The following PTPRD variants were observed in gnomAD, a reference collection of about 807,000 sequenced individuals.
PTPRD encodes protein tyrosine phosphatase receptor type D.
PTPRD carries 34 observed loss-of-function variants against 214.5 expected under a neutral mutation model. That is an observed-to-expected ratio of 0.16 (90% CI 0.12 to 0.21). The LOEUF is 0.21. PTPRD is among the 10% of genes least tolerant of loss of function. PTPRD has a pLI of 1.00. For synonymous variants in PTPRD, 1,128 were observed against 845.7 expected (o/e 1.33, Z -5.79); for missense variants, 2,545 against 2,398.7 (o/e 1.06, Z -1.27).
chr9:10,448,838 A>G (rs1248063364), intron 2 of PTPRD, among the ~76,000 whole-genome samples: 1 of 151,910 alleles, frequency 6.6e-6, no homozygotes. Flanking sequence ...ATTCTCTCCA[A>G]ATAGAGAAGG....
intron 5 of PTPRD, among the ~76,000 whole-genome samples, chr9:9,922,056 G>A (rs2153877558): frequency 6.6e-6 from 1 of 152,174 alleles, no homozygotes; most frequent in South Asian, 2.1e-4. Context: ...CATATAGCAG[G>A]GCTGAGAAAG....
intron 3 of PTPRD, among the ~76,000 whole-genome samples, chr9:10,279,634 C>T (rs2094968106): frequency 6.7e-6 from 1 of 148,378 alleles, no homozygotes; most frequent in Non-Finnish European, 1.5e-5. Flanking sequence ...ATTATGTGTT[C>T]AAAACTATTT....
At position 10,228,179 on chromosome 9, in the gene PTPRD, C is replaced by G. The variant is rs550248733; in HGVS notation, c.-545+112784G>C. ...TCCAATAAAATCTTGGAACACAACT[C>G]GTTTAGAAGGAAGGGAAGAGATATG... On this transcript the variant is annotated intron_variant, in intron 3 of 45. Coordinates refer to ENST00000381196, the MANE Select transcript of PTPRD (RefSeq NM_002839.4). 1.3e-3 allele frequency among the ~76,000 whole-genome samples: 204 copies of G among 151,966 alleles called. 1 individual carries two copies. Among genetic ancestry groups the G allele is most frequent in the South Asian group, 5.2e-3 (25 of 4,818 alleles).
Position 8,725,751 on chromosome 9 carries a change from G to C in PTPRD, c.64+8029C>G, listed in dbSNP as rs939834615. On this transcript the variant is annotated intron_variant, in intron 12 of 45. Transcript: ENST00000381196. ...ATATTTATCTTCATTTTACAGATGAGAGACACATAGAGATTTGTACCCTGT... is the reference window on the plus strand; with the variant it reads ...ATATTTATCTTCATTTTACAGATGACAGACACATAGAGATTTGTACCCTGT... Among the ~76,000 whole-genome samples the C allele has an allele frequency of 3.9e-5, 6 of 152,282 alleles. No individual in the cohort carries two copies. In the East Asian group the frequency reaches 7.7e-4, roughly 20 times the overall value.
At chr9:8,399,585 C>A (rs1433816488) in intron 36 of PTPRD, among the ~76,000 whole-genome samples, 2 of 152,110 alleles carry the variant, frequency 1.3e-5, no homozygotes, top group Admixed American at 6.6e-5. Flanking sequence ...ACCTGAAAAT[C>A]ATTTCTGTGT....
At chr9:10,173,812 G>C (rs1375205787) in intron 3 of PTPRD, among the ~76,000 whole-genome samples, 1 of 151,238 alleles carries the variant, frequency 6.6e-6, no homozygotes, top group Non-Finnish European at 1.5e-5. Context: ...TGAATCTCAG[G>C]ACAATTACAA....
intron 5 of PTPRD, among the ~76,000 whole-genome samples, chr9:9,840,462 C>A (rs919903103): frequency 3.3e-5 from 5 of 151,926 alleles, no homozygotes; most frequent in South Asian, 2.1e-4. Flanking sequence ...AAAGTAAATA[C>A]GTAAATGTGA....
intron 7 of PTPRD, among the ~76,000 whole-genome samples, chr9:9,602,884 A>G (rs2093881115): frequency 6.6e-6 from 1 of 152,198 alleles, no homozygotes; most frequent in Non-Finnish European, 1.5e-5. Flanking sequence ...GCAACCACAT[A>G]TTATAAAATT....
chr9:8,444,338 A>T (rs1358594184), intron 34 of PTPRD, among the ~76,000 whole-genome samples: 4 of 152,184 alleles, frequency 2.6e-5, no homozygotes, highest in Non-Finnish European at 1.5e-5. Flanking sequence ...GTTAAATGTC[A>T]CAACAGCAAA....
intron 27 of PTPRD, among the ~76,000 whole-genome samples, chr9:8,492,045 C>G (rs976791772): frequency 3.3e-5 from 5 of 152,152 alleles, no homozygotes; most frequent in Non-Finnish European, 7.4e-5. Context: ...TGTGGCTGAC[C>G]AAAGTCATCC....
At chr9:8,330,248 G>C (rs530142591) in intron 44 of PTPRD, among the ~76,000 whole-genome samples, 20 of 152,190 alleles carry the variant, frequency 1.3e-4, no homozygotes, top group African/African-American at 4.6e-4. Context: ...GGGAAACGCA[G>C]AAATCCCCTG....
intron 11 of PTPRD, among the ~76,000 whole-genome samples, chr9:8,951,353 T>C (rs1480900175): frequency 7.0e-6 from 1 of 142,934 alleles, no homozygotes; most frequent in South Asian, 2.4e-4. Context: ...CCCGTAAACA[T>C]AGAAATGTGC....
chr9:9,136,642 T>G (rs75716780), intron 10 of PTPRD, among the ~76,000 whole-genome samples: 1 of 152,168 alleles, frequency 6.6e-6, no homozygotes, highest in Non-Finnish European at 1.5e-5. Flanking sequence ...TGGTTAAAAA[T>G]TTTTCAACTG....
chr9:10,457,505 C>T (rs1256874211), intron 2 of PTPRD, among the ~76,000 whole-genome samples: 1 of 151,950 alleles, frequency 6.6e-6, no homozygotes, highest in Non-Finnish European at 1.5e-5. Flanking sequence ...TAAGAATACA[C>T]CACACTTCAT....
chr9:10,460,131 C>A (rs1008491143), intron 2 of PTPRD, among the ~76,000 whole-genome samples: 1 of 151,804 alleles, frequency 6.6e-6, no homozygotes, highest in African/African-American at 2.4e-5. Flanking sequence ...AGAAAACAAT[C>A]CCATTTACAA....
At chr9:10,234,711 C>A (rs7018600) in intron 3 of PTPRD, among the ~76,000 whole-genome samples, 114,388 of 151,684 alleles carry the variant, frequency 0.75, 43,622 homozygotes, top group East Asian at 0.89. Context: ...AGTGATCAAA[C>A]TCTTTAATTT....
chr9:9,978,986 T>C (rs966826874), intron 4 of PTPRD, among the ~76,000 whole-genome samples: 1 of 152,088 alleles, frequency 6.6e-6, no homozygotes, highest in African/African-American at 2.4e-5. Flanking sequence ...AGTCACATCT[T>C]TCAAGTACTA....
At chr9:9,513,135 A>C (rs143229462) in intron 8 of PTPRD, among the ~76,000 whole-genome samples, 3 of 152,030 alleles carry the variant, frequency 2.0e-5, no homozygotes, top group African/African-American at 7.2e-5. Flanking sequence ...TGTCTGATTT[A>C]TTTCCTATTA....
intron 9 of PTPRD, among the ~76,000 whole-genome samples, chr9:9,273,249 A>C (rs1943652285): frequency 6.6e-6 from 1 of 151,280 alleles, no homozygotes; most frequent in South Asian, 2.1e-4. Context: ...CTACCAAATA[A>C]ATGGAACTAT....
Sources: allele counts gnomAD v4.1 joint callset (sites outside exome capture counted in the v4.1 genomes callset), GRCh38; gene constraint gnomAD v4.1.1; transcripts MANE v1.5; gene names NCBI Gene and HGNC (gene_info 2026-07-23, HGNC 2026-07-21).